The following FAM222B variants were observed in gnomAD, a reference collection of about 807,000 sequenced individuals.
FAM222B encodes the protein family with sequence similarity 222 member B, also known as protein FAM222B.
Under a neutral mutation model 38.0 loss-of-function variants are expected in FAM222B, and 12 were observed. The observed-to-expected ratio is 0.32, with a 90% CI of 0.20 to 0.51. The LOEUF (loss-of-function observed/expected upper bound fraction) is 0.51. Among genes scored for constraint, FAM222B ranks in the 20% least tolerant of loss-of-function variants. The pLI is 0.97. For synonymous variants in FAM222B, 329 were observed against 317.2 expected (o/e 1.04, Z -0.40); for missense variants, 716 against 754.2 (o/e 0.95, Z 0.59).
chr17:28,812,688 C>A (rs992201048), intron 1 of FAM222B, among the ~76,000 whole-genome samples: 2 of 152,032 alleles, frequency 1.3e-5, no homozygotes, highest in African/African-American at 4.8e-5. Flanking sequence ...ACCCCAAAGC[C>A]AGGAGCCAAG....
chr17:28,787,635 A>T (rs1169912144), intron 1 of FAM222B, among the ~76,000 whole-genome samples: 5 of 152,138 alleles, frequency 3.3e-5, no homozygotes, highest in African/African-American at 1.2e-4. Context: ...CACCTGGCAG[A>T]CCACAACTAG....
At chr17:28,792,129 G>A (rs1204766484) in intron 1 of FAM222B, among the ~76,000 whole-genome samples, 1 of 150,782 alleles carries the variant, frequency 6.6e-6, no homozygotes, top group African/African-American at 2.4e-5. Flanking sequence ...GGCCAACACG[G>A]TGAAACCCCG....
chr17:28,795,108 C>A (rs1052311485), intron 1 of FAM222B, among the ~76,000 whole-genome samples: 10 of 150,674 alleles, frequency 6.6e-5, no homozygotes, highest in Non-Finnish European at 1.3e-4. Flanking sequence ...AAAAAAAAAA[C>A]CCTAAAATTC....
chr17:28,848,265 T>A (rs2152636946), intron 1 of FAM222B, among the ~76,000 whole-genome samples: 1 of 152,178 alleles, frequency 6.6e-6, no homozygotes, highest in Non-Finnish European at 1.5e-5. Flanking sequence ...TATGTGCCCA[T>A]CTCTAAAACA....
upstream of FAM222B, among the ~76,000 whole-genome samples, chr17:28,844,710 T>G (rs1020698964): frequency 6.6e-6 from 1 of 152,100 alleles, no homozygotes; most frequent in African/African-American, 2.4e-5. Flanking sequence ...ATGCTTGTAA[T>G]CCCAACATTT....
intron 1 of FAM222B, among the ~76,000 whole-genome samples, chr17:28,802,262 T>C (rs1445798130): frequency 2.6e-5 from 4 of 152,004 alleles, no homozygotes; most frequent in African/African-American, 9.7e-5. Context: ...CACACCCCAC[T>C]AATTTTTGTA....
chr17:28,771,872 G>A (rs1567808218), intron 1 of FAM222B, among the ~76,000 whole-genome samples: 1 of 152,102 alleles, frequency 6.6e-6, no homozygotes, highest in Non-Finnish European at 1.5e-5. Context: ...GGCTAACACA[G>A]TGAAACCCTG....
rs1027138945 is a variant in FAM222B at position 28,811,907 on chromosome 17, T to C, written c.-41+30775A>G. On this transcript the variant is annotated intron_variant, in intron 1 of 2. Coordinates refer to ENST00000581407, the MANE Select transcript of FAM222B (RefSeq NM_001077498.3). ...ATCCACTCCTAGCTTGCCTTTTCTTTTTTTTAAATTACGGTTTACTGCATC... is the reference window on the plus strand; with the variant it reads ...ATCCACTCCTAGCTTGCCTTTTCTTCTTTTTAAATTACGGTTTACTGCATC... Among the ~76,000 whole-genome samples the C allele has an allele frequency of 2.0e-5, 3 of 152,238 alleles. No homozygotes were observed. In the East Asian group the frequency reaches 5.8e-4, roughly 29 times the overall value.
At chr17:28,834,902 T>C (rs962705033) in intron 1 of FAM222B, 2 of 151,220 alleles carry the variant, frequency 1.3e-5, no homozygotes, top group Non-Finnish European at 2.9e-5. Flanking sequence ...TTGCCCAGGC[T>C]GGAGTGCAAT....
chr17:28,835,849 T>C (rs2038828956), intron 1 of FAM222B, among the ~76,000 whole-genome samples: 1 of 151,860 alleles, frequency 6.6e-6, no homozygotes, highest in South Asian at 2.1e-4. Flanking sequence ...TTTTTTTTTA[T>C]TTTTTTGTAA....
intron 2 of FAM222B, among the ~76,000 whole-genome samples, chr17:28,765,953 A>G (rs1317107340): frequency 6.6e-6 from 1 of 152,186 alleles, no homozygotes; most frequent in Non-Finnish European, 1.5e-5. Flanking sequence ...AAACAAGAGA[A>G]CAGCATAGTT....
At chr17:28,784,667 A>G (rs983242940) in intron 1 of FAM222B, among the ~76,000 whole-genome samples, 14 of 152,040 alleles carry the variant, frequency 9.2e-5, no homozygotes, top group African/African-American at 3.1e-4. Flanking sequence ...CGTCTCTACT[A>G]AAAATACAAA....
intron 1 of FAM222B, among the ~76,000 whole-genome samples, chr17:28,781,270 C>T (rs1204650027): frequency 1.3e-5 from 2 of 151,976 alleles, no homozygotes; most frequent in African/African-American, 2.4e-5. Flanking sequence ...TATACTCCAG[C>T]CTGGGTGATG....
At position 28,758,284 on chromosome 17, in the gene FAM222B, G is replaced by C. The variant is rs374095162; in HGVS notation, c.1675C>G (p.Pro559Ala). ...TESRSLHIQHPGYR is the reference protein window; with the variant it reads ...TESRSLHIQHAGYR The stretch of plus-strand genomic sequence containing the variant: ...AGCAGGGCTACCTATCTATACCCTG[G>C]GTGCTGAATATGAAGACTTCGACTC... Residue 559 changes from proline (P) to alanine (A), a missense_variant, in exon 3 of 3, where the codon CCA becomes GCA. Transcript: ENST00000581407. 1 of 1,587,466 alleles carries C rather than the reference G, an allele frequency of 6.3e-7. No homozygotes were observed. The highest frequency in any genetic ancestry group is 8.6e-7 in the Non-Finnish European group (1 of 1,167,006).
intron 1 of FAM222B, among the ~76,000 whole-genome samples, chr17:28,832,141 G>C (rs2038689485): frequency 2.0e-5 from 3 of 152,012 alleles, no homozygotes; most frequent in Admixed American, 2.0e-4. Flanking sequence ...CGTGAGCCGA[G>C]ATCGCGCCAC....
At chr17:28,848,340 T>A (rs2039159432) in intron 1 of FAM222B, among the ~76,000 whole-genome samples, 1 of 152,156 alleles carries the variant, frequency 6.6e-6, no homozygotes, top group South Asian at 2.1e-4. Flanking sequence ...GCTCCTTGCC[T>A]GGGGTGAGCC....
chr17:28,775,735 G>C (rs1274131737), intron 1 of FAM222B, among the ~76,000 whole-genome samples: 1 of 151,788 alleles, frequency 6.6e-6, no homozygotes, highest in East Asian at 1.9e-4. Context: ...ACAAAAATTA[G>C]CCGGGCATGG....
chr17:28,817,554 C>G (rs1286331940), intron 1 of FAM222B, among the ~76,000 whole-genome samples: 3 of 152,106 alleles, frequency 2.0e-5, no homozygotes, highest in Admixed American at 6.6e-5. Flanking sequence ...AACCCTGTCT[C>G]TACTAAAAAT....
intron 1 of FAM222B, among the ~76,000 whole-genome samples, chr17:28,834,005 G>A (rs1598045985): frequency 1.3e-5 from 2 of 152,180 alleles, no homozygotes; most frequent in African/African-American, 2.4e-5. Context: ...ATTCCACTTA[G>A]TTGTCCATGC....
Sources: allele counts gnomAD v4.1 joint callset (sites outside exome capture counted in the v4.1 genomes callset), GRCh38; gene constraint gnomAD v4.1.1; transcripts MANE v1.5; gene names NCBI Gene and HGNC (gene_info 2026-07-23, HGNC 2026-07-21).